The following ITGA1 variants were observed in gnomAD, a reference collection of about 807,000 sequenced individuals.
ITGA1 encodes the protein integrin alpha-1.
A neutral mutation model predicts 145.9 loss-of-function variants in ITGA1; 85 were observed. That is an observed-to-expected ratio of 0.58 (90% CI 0.49 to 0.70). The LOEUF (loss-of-function observed/expected upper bound fraction) is 0.70. Among genes scored for constraint, ITGA1 ranks in the 30% least tolerant of loss-of-function variants. The probability of loss-of-function intolerance (pLI) is 0.00; values close to 1 mark genes in which losing one functional copy is unlikely to be tolerated. For missense variants in ITGA1, 1,351 were observed against 1,418.7 expected (o/e 0.95, Z 0.77); for synonymous variants, 520 against 495.3 (o/e 1.05, Z -0.66).
chr5:52,822,317 T>G (rs2059203), intron 1 of ITGA1, among the ~76,000 whole-genome samples: 1 of 152,062 alleles, frequency 6.6e-6, no homozygotes, highest in Admixed American at 6.5e-5. Flanking sequence ...AGTTACTCTA[T>G]TCAAATAAAC....
intron 1 of ITGA1, 56 bp from the exon 2 acceptor site, chr5:52,849,309 A>G: frequency 2.0e-6 from 3 of 1,480,294 alleles, no homozygotes; most frequent in South Asian, 1.4e-5. Context: ...CATAACTCAA[A>G]ACATGATGGA....
intron 4 of ITGA1, 49 bp from the exon 5 acceptor site, chr5:52,864,922 A>G: frequency 1.3e-6 from 2 of 1,557,424 alleles, no homozygotes; most frequent in Non-Finnish European, 8.8e-7. Flanking sequence ...AAGATCTGTT[A>G]TATAATTTTC....
At chr5:52,892,814 G>A (rs1750171247) in intron 8 of ITGA1, among the ~76,000 whole-genome samples, 1 of 151,944 alleles carries the variant, frequency 6.6e-6, no homozygotes, top group Non-Finnish European at 1.5e-5. Flanking sequence ...ATTATTTATC[G>A]GTGGTTGCCA....
chr5:52,814,105 C>T (rs1032270307), intron 1 of ITGA1, among the ~76,000 whole-genome samples: 6 of 152,134 alleles, frequency 3.9e-5, no homozygotes, highest in African/African-American at 1.2e-4. Flanking sequence ...GATTTCACTT[C>T]TTTTTAGTCT....
chr5:52,918,860 T>G lies in ITGA1; in HGVS notation c.2117T>G (p.Val706Gly). 1 of 1,605,094 alleles carries G rather than the reference T, an allele frequency of 6.2e-7. No individual in the cohort carries two copies. Among genetic ancestry groups the G allele is most frequent in the Non-Finnish European group, 8.5e-7 (1 of 1,177,258 alleles). Reference sequence around the variant, plus strand: ...ATAAATGCTACAGTGTGTTTTGATGTGAAATTAAAGTCTAAAGAAGACACG... The same window carrying G: ...ATAAATGCTACAGTGTGTTTTGATGGGAAATTAAAGTCTAAAGAAGACACG... ...VCINATVCFD[V>G]KLKSKEDTIY... The change falls in exon 16 of 29, where the codon GTG (valine) becomes GGG (glycine). Residue 706 changes from valine to glycine, a missense_variant. Physicochemically the swap from Val to Gly is moderately radical, Grantham distance 109. Coordinates refer to ENST00000282588, the MANE Select transcript of ITGA1 (RefSeq NM_181501.2).
chr5:52,869,433 T>A lies in ITGA1; in HGVS notation c.624+3616T>A, dbSNP rs150286110. Reference sequence around the variant, plus strand: ...GCCTCGGCCTCCCAAGGTGCTGGGATTACAGGCTTGAGCCACTGTGCCTGG... The same window carrying A: ...GCCTCGGCCTCCCAAGGTGCTGGGAATACAGGCTTGAGCCACTGTGCCTGG... On this transcript the variant is annotated intron_variant, in intron 6 of 28. Transcript: ENST00000282588. Among the ~76,000 whole-genome samples the A allele has an allele frequency of 2.6e-3, 402 of 152,320 alleles. 3 individuals are homozygous for A. The highest frequency in any genetic ancestry group is 9.5e-3 in the African/African-American group (393 of 41,576).
intron 3 of ITGA1, among the ~76,000 whole-genome samples, chr5:52,864,289 C>T (rs939609568): frequency 3.3e-5 from 5 of 152,118 alleles, no homozygotes; most frequent in Non-Finnish European, 7.4e-5. Context: ...TCCTTTGTCA[C>T]CCAAAGGATG....
intron 26 of ITGA1, among the ~76,000 whole-genome samples, chr5:52,943,434 T>C (rs1751082987): frequency 6.6e-6 from 1 of 152,160 alleles, no homozygotes; most frequent in Admixed American, 6.5e-5. Context: ...ATTAGCAAAG[T>C]AATTTTTGGT....
chr5:52,942,773 C>T (rs1360804947), intron 26 of ITGA1, among the ~76,000 whole-genome samples: 3 of 151,324 alleles, frequency 2.0e-5, no homozygotes, highest in African/African-American at 4.9e-5. Flanking sequence ...GATCTCCTGA[C>T]CTCATGATCT....
intron 28 of ITGA1, among the ~76,000 whole-genome samples, chr5:52,950,044 C>T (rs1751195324): frequency 6.6e-6 from 1 of 152,184 alleles, no homozygotes. Flanking sequence ...ATATCTTTGT[C>T]TTCATCATAC....
At chr5:52,938,030 T>C (rs1256442535) in intron 24 of ITGA1, among the ~76,000 whole-genome samples, 1 of 152,188 alleles carries the variant, frequency 6.6e-6, no homozygotes, top group Non-Finnish European at 1.5e-5. Context: ...ATCCTTAATA[T>C]AATTATGTCT....
intron 1 of ITGA1, among the ~76,000 whole-genome samples, chr5:52,848,422 C>T (rs533800236): frequency 5.7e-4 from 87 of 152,260 alleles, no homozygotes; most frequent in African/African-American, 2.0e-3. Context: ...CTGTATTAGT[C>T]ATATATGAAT....
chr5:52,938,187 G>T (rs946659512), intron 24 of ITGA1, among the ~76,000 whole-genome samples: 1 of 152,176 alleles, frequency 6.6e-6, no homozygotes, highest in East Asian at 1.9e-4. Context: ...CTTGATTTGT[G>T]GTAATCAAAC....
intron 2 of ITGA1, among the ~76,000 whole-genome samples, chr5:52,856,769 T>A (rs766338988): frequency 3.9e-5 from 6 of 152,102 alleles, no homozygotes; most frequent in Admixed American, 6.6e-5. Context: ...TATTGCTGCA[T>A]AATAAGTCAT....
chr5:52,918,857 A>T lies in ITGA1; in HGVS notation c.2114A>T (p.Asp705Val). 6.2e-7 allele frequency: 1 copy of T among 1,605,996 alleles called. No homozygotes were observed. Among genetic ancestry groups the T allele is most frequent in the African/African-American group, 1.3e-5 (1 of 74,630 alleles). The change falls in exon 16 of 29, where the codon GAT (aspartate) becomes GTT (valine). Residue 705 changes from aspartate (D) to valine (V), a missense_variant. Physicochemically the swap from Asp to Val is radical, Grantham distance 152. Coordinates refer to ENST00000282588, the MANE Select transcript of ITGA1 (RefSeq NM_181501.2). ...TGCATAAATGCTACAGTGTGTTTTG[A>T]TGTGAAATTAAAGTCTAAAGAAGAC... ...TVCINATVCF[D>V]VKLKSKEDTI... is the part of the protein sequence containing the mutation.
At chr5:52,892,560 A>G (rs1750167379) in intron 8 of ITGA1, among the ~76,000 whole-genome samples, 1 of 152,212 alleles carries the variant, frequency 6.6e-6, no homozygotes, top group Admixed American at 6.5e-5. Flanking sequence ...GAATATTTAC[A>G]GCAGCATTAT....
At chr5:52,806,538 T>C (rs1230702243) in intron 1 of ITGA1, among the ~76,000 whole-genome samples, 1 of 152,106 alleles carries the variant, frequency 6.6e-6, no homozygotes, top group African/African-American at 2.4e-5. Flanking sequence ...AGATACCTTC[T>C]TCAGTGGCGA....
chr5:52,847,354 G>T (rs1749353525), intron 1 of ITGA1, among the ~76,000 whole-genome samples: 1 of 152,000 alleles, frequency 6.6e-6, no homozygotes. Context: ...TATGAAAAAA[G>T]TTCATAGTGA....
intron 1 of ITGA1, among the ~76,000 whole-genome samples, chr5:52,835,716 T>C (rs1749151676): frequency 6.6e-6 from 1 of 152,200 alleles, no homozygotes; most frequent in Non-Finnish European, 1.5e-5. Context: ...TAGATTCCAT[T>C]GATGTCACAA....
Sources: allele counts gnomAD v4.1 joint callset (sites outside exome capture counted in the v4.1 genomes callset), GRCh38; gene constraint gnomAD v4.1.1; transcripts MANE v1.5; gene names NCBI Gene and HGNC (gene_info 2026-07-23, HGNC 2026-07-21).